The following NUDT22 variants were observed in gnomAD, a reference collection of about 807,000 sequenced individuals.
NUDT22 encodes the protein uridine diphosphate glucose pyrophosphatase NUDT22.
Under a neutral mutation model 28.8 loss-of-function variants are expected in NUDT22, and 23 were observed. That is an observed-to-expected ratio of 0.80 (90% CI 0.58 to 1.13). The LOEUF is 1.13. Among genes scored for constraint, NUDT22 ranks in the 50% most tolerant of loss-of-function variants. The pLI is 0.00. For synonymous variants in NUDT22, 175 were observed against 173.7 expected (o/e 1.01, Z -0.06); for missense variants, 358 against 387.3 (o/e 0.92, Z 0.64).
chr11:64,229,760 C>A, intron 5 of NUDT22, 90 bp from the exon 6 acceptor site: 1 of 1,543,586 alleles, frequency 6.5e-7, no homozygotes, highest in Non-Finnish European at 8.9e-7. Context: ...AAGGACAGTG[C>A]AGAGGTCTCT....
intron 3 of NUDT22, 96 bp downstream of exon 3, chr11:64,227,762 G>C: frequency 1.0e-6 from 1 of 958,924 alleles, no homozygotes; most frequent in Non-Finnish European, 1.7e-6. Flanking sequence ...AGGCCTGCAG[G>C]CATCTGGCCA....
chr11:64,230,250 G>A (rs1370925993), downstream of NUDT22: 2 of 641,302 alleles, frequency 3.1e-6, no homozygotes, highest in Non-Finnish European at 2.9e-6. Context: ...CAGCGGAACG[G>A]AGACACGGTG....
At position 64,229,858 on chromosome 11, in the gene NUDT22, G is replaced by C; in HGVS notation, c.780G>C (p.Gln260His). The C allele has an allele frequency of 6.2e-7, 1 of 1,613,352 alleles. No homozygotes were observed. Among genetic ancestry groups the C allele is most frequent in the South Asian group, 1.1e-5 (1 of 91,084 alleles). Residue 260 changes from glutamine (Q) to histidine (H), a missense_variant, in exon 6 of 6, where the codon CAG (glutamine) becomes CAC (histidine). Coordinates refer to ENST00000279206, the MANE Select transcript of NUDT22 (RefSeq NM_032344.4). ...GIFFVETQNVQRLLETEMWAE... is the reference protein window; with the variant it reads ...GIFFVETQNVHRLLETEMWAE... ...TCGTTGTCTCCCCACAGAACGTGCA[G>C]AGATTGCTCGAGACGGAGATGTGGG...
At chr11:64,229,213 G>C in intron 3 of NUDT22, 34 bp from the exon 4 acceptor site, 1 of 1,475,614 alleles carries the variant, frequency 6.8e-7, no homozygotes, top group Middle Eastern at 2.3e-4. Context: ...GCATTGATAG[G>C]TGGGACCTCC....
rs199572285 is a variant in NUDT22 at position 64,229,980 on chromosome 11, C to T, written c.902C>T (p.Pro301Leu). The change falls in exon 6 of 6, where the codon CCG (proline) becomes CTG (leucine). Residue 301 changes from proline (P) to leucine (L), a missense_variant. Pro to Leu is a moderately conservative substitution (Grantham distance 98, BLOSUM62 -3). Transcript: ENST00000279206. ...GCCCTAGGGTCCCCAGCCCTACTCC[C>T]GCCGCTCTGAAAATAATAAACGACT... is the stretch of plus-strand genomic sequence containing the variant. ...GAALGSPALL[P>L]PL 88 of 1,611,920 alleles carry T rather than the reference C, an allele frequency of 5.5e-5. No homozygotes were observed. The highest frequency in any genetic ancestry group is 7.2e-5 in the Non-Finnish European group (85 of 1,179,614).
chr11:64,226,524 G>T, intron 1 of NUDT22, 97 bp downstream of exon 1: 1 of 1,488,870 alleles, frequency 6.7e-7, no homozygotes, highest in Non-Finnish European at 8.9e-7. Flanking sequence ...CAGGGGGGTG[G>T]AGAAGCGCTG....
chr11:64,226,296 T>A lies in NUDT22; in HGVS notation c.-150T>A. ...GGCGGAGCCTGAGGGACCCGGCGGC[T>A]GGTGAGCGCCCGCTGGAGGCTGGAG... On this transcript the variant is annotated 5_prime_UTR_variant, in exon 1 of 6. Transcript: ENST00000279206. 1 of 903,510 alleles carries A rather than the reference T, an allele frequency of 1.1e-6. No individual in the cohort carries two copies. The highest frequency in any genetic ancestry group is 1.4e-6 in the Non-Finnish European group (1 of 698,684). 56.0% of individuals were successfully genotyped at this position (903,510 alleles called of 1,614,324 possible).
chr11:64,229,991 AAAT>A lies in NUDT22; in HGVS notation c.*7_*9del. The A allele has an allele frequency of 6.2e-7, 1 of 1,611,596 alleles. No homozygotes were observed. The highest frequency in any genetic ancestry group is 8.5e-7 in the Non-Finnish European group (1 of 1,179,478). ...CCCAGCCCTACTCCCGCCGCTCTGA[AAAT>A]AATAAACGACTTTATTCTTGGATTC... is the stretch of plus-strand genomic sequence containing the variant. On this transcript the variant is annotated 3_prime_UTR_variant, in exon 6 of 6. Coordinates refer to ENST00000279206, the MANE Select transcript of NUDT22 (RefSeq NM_032344.4).
At position 64,227,079 on chromosome 11, in the gene NUDT22, G is replaced by A. The variant is rs1947049587; in HGVS notation, c.427G>A (p.Val143Met). 1.9e-6 allele frequency: 3 copies of A among 1,599,958 alleles called. No individual in the cohort carries two copies. Among genetic ancestry groups the A allele is most frequent in the South Asian group, 1.1e-5 (1 of 90,256 alleles). The change falls in exon 2 of 6, where the codon GTG becomes ATG. Residue 143 changes from valine to methionine, a missense_variant. Val to Met is a conservative substitution (Grantham distance 21). Coordinates refer to ENST00000279206, the MANE Select transcript of NUDT22 (RefSeq NM_032344.4). ...FLVFLRRSRQVAEAPGLVDVP... is the reference protein window; with the variant it reads ...FLVFLRRSRQMAEAPGLVDVP... The stretch of plus-strand genomic sequence containing the variant: ...TGTCTTCCTGCGCCGCTCCCGGCAG[G>A]TGGCTGAGGCCCCTGGGCTGGTGGA...
At position 64,227,106 on chromosome 11, in the gene NUDT22, G is replaced by A. The variant is rs867002060; in HGVS notation, c.454G>A (p.Val152Ile). 7 of 1,593,838 alleles carry A rather than the reference G, an allele frequency of 4.4e-6. No individual in the cohort carries two copies. Among genetic ancestry groups the A allele is most frequent in the Admixed American group, 3.4e-5 (2 of 58,322 alleles). The change falls in exon 2 of 6, where the codon GTA becomes ATA. Residue 152 changes from valine to isoleucine, a missense_variant. Coordinates refer to ENST00000279206, the MANE Select transcript of NUDT22 (RefSeq NM_032344.4). ...QVAEAPGLVD[V>I]PGGHPEPQAL... The stretch of plus-strand genomic sequence containing the variant: ...GGCTGAGGCCCCTGGGCTGGTGGAC[G>A]TACCTGGTGGGCACCCTGAGCCTCA...
In NUDT22 at chr11:64,226,858, C is replaced by A. The variant is rs750809655; in HGVS notation, c.206C>A (p.Ala69Glu). The change falls in exon 2 of 6, where the codon GCG (alanine) becomes GAG (glutamate). Residue 69 changes from alanine to glutamate, a missense_variant. Ala to Glu is a moderately radical substitution (Grantham distance 107, BLOSUM62 -1). Coordinates refer to ENST00000279206, the MANE Select transcript of NUDT22 (RefSeq NM_032344.4). ...TTCCGCCTGCACTCAGCCACCCTGG[C>A]GCCTATTGGCTCTCGGGGGCCACAG... is the stretch of plus-strand genomic sequence containing the variant. ...PKFRLHSATLAPIGSRGPQLL... is the reference protein window; with the variant it reads ...PKFRLHSATLEPIGSRGPQLL... 7 of 1,607,148 alleles carry A rather than the reference C, an allele frequency of 4.4e-6. No homozygotes were observed. The highest frequency in any genetic ancestry group is 4.5e-5 in the East Asian group (2 of 44,898).
chr11:64,226,665 G>A lies in NUDT22; in HGVS notation c.13G>A (p.Val5Met), dbSNP rs1486967233. 2 of 1,598,352 alleles carry A rather than the reference G, an allele frequency of 1.3e-6. No individual in the cohort carries two copies. Among genetic ancestry groups the A allele is most frequent in the African/African-American group, 1.3e-5 (1 of 74,562 alleles). ...CCCCGTTCAGACCATGGATCCTGAG[G>A]TGACCTTGCTGCTGCAGTGCCCTGG... MDPE[V>M]TLLLQCPGGG... Residue 5 changes from valine to methionine, a missense_variant, in exon 2 of 6, where the codon GTG (valine) becomes ATG (methionine). Val to Met is a conservative substitution (Grantham distance 21, BLOSUM62 1). Transcript: ENST00000279206.
chr11:64,230,176 G>A (rs1020062957), downstream of NUDT22: 2 of 755,284 alleles, frequency 2.6e-6, no homozygotes, highest in Non-Finnish European at 4.6e-6. Flanking sequence ...TTCTTTGCTG[G>A]CTCCAGAGAG....
In NUDT22 at chr11:64,226,900, GCCTTACTTCCTA is replaced by G; in HGVS notation, c.251_262del (p.Leu84_Tyr87del). The G allele has an allele frequency of 6.2e-7, 1 of 1,603,330 alleles. No homozygotes were observed. Among genetic ancestry groups the G allele is most frequent in the Non-Finnish European group, 8.5e-7 (1 of 1,179,932 alleles). On this transcript the variant is annotated inframe_deletion, in exon 2 of 6. Coordinates refer to ENST00000279206, the MANE Select transcript of NUDT22 (RefSeq NM_032344.4). The stretch of plus-strand genomic sequence containing the variant: ...GGGCCACAGCTGCTCCTGCGCCTGG[GCCTTACTTCCTA>G]CCGAGACTTCCTGGGCACCAACTGG...
chr11:64,226,849 C>G lies in NUDT22; in HGVS notation c.197C>G (p.Ala66Gly), dbSNP rs2134972871. The G allele has an allele frequency of 1.2e-6, 2 of 1,608,094 alleles. No individual in the cohort carries two copies. Among genetic ancestry groups the G allele is most frequent in the African/African-American group, 2.7e-5 (2 of 75,056 alleles). The change falls in exon 2 of 6, where the codon GCC becomes GGC. Residue 66 changes from alanine to glycine, a missense_variant. By Grantham distance (60) the Ala-to-Gly change is moderately conservative (BLOSUM62 0). Transcript: ENST00000279206. ...GCCCCCAAGTTCCGCCTGCACTCAG[C>G]CACCCTGGCGCCTATTGGCTCTCGG... ...FDAPKFRLHS[A>G]TLAPIGSRGP... is the part of the protein sequence containing the mutation.
chr11:64,226,552 T>G (rs1591064780), intron 1 of NUDT22, 83 bp from the exon 2 acceptor site: 1 of 1,494,772 alleles, frequency 6.7e-7, no homozygotes, highest in Non-Finnish European at 8.9e-7. Flanking sequence ...CCTCAGGAGG[T>G]CTGCGACAGA....
intron 2 of NUDT22, chr11:64,227,341 A>G: frequency 1.3e-6 from 1 of 747,526 alleles, no homozygotes. Context: ...GGGAGGAAAG[A>G]TTGGGCACAG....
At chr11:64,230,068 T>G (rs1471558459), downstream of NUDT22, 5 of 1,406,702 alleles carry the variant, frequency 3.6e-6, no homozygotes, top group African/African-American at 3.0e-5. Flanking sequence ...GGGCCCTGAG[T>G]GTGTAAGGCA....
intron 5 of NUDT22, 130 bp from the exon 6 acceptor site, chr11:64,229,720 G>A: frequency 1.4e-6 from 2 of 1,379,752 alleles, no homozygotes; most frequent in Non-Finnish European, 2.0e-6. Context: ...AAGGTCCAGG[G>A]ACATGTTCAG....
Sources: allele counts gnomAD v4.1 joint callset, GRCh38; gene constraint gnomAD v4.1.1; transcripts MANE v1.5; gene names NCBI Gene and HGNC (gene_info 2026-07-23, HGNC 2026-07-21).